TBXT: variants seen among roughly 807,000 people sequenced by gnomAD.
The protein encoded by TBXT is T-box transcription factor T.
In TBXT, 19 loss-of-function variants were observed where a neutral mutation model predicts 41.1. That is an observed-to-expected ratio of 0.46 (90% CI 0.32 to 0.68). The LOEUF is 0.68. Among genes scored for constraint, TBXT ranks in the 30% least tolerant of loss-of-function variants. The pLI is 0.03. For missense variants in TBXT, 536 were observed against 582.0 expected, an observed-to-expected ratio of 0.92 and a Z score of 0.81; for synonymous variants, 213 against 238.9, an observed-to-expected ratio of 0.89 and a Z score of 1.00.
At chr6:166,167,314 A>C in intron 1 of TBXT, 72 bp downstream of exon 1, 1 of 1,574,700 alleles carries the variant, frequency 6.4e-7, no homozygotes, top group Admixed American at 1.7e-5. Flanking sequence ...GACCTCCGGG[A>C]ACTTGCCAGG....
chr6:166,165,468 T>C lies in TBXT; in HGVS notation c.606+238A>G, dbSNP rs371552373. 1.8e-4 allele frequency among the ~76,000 whole-genome samples: 27 copies of C among 152,346 alleles called. No individual in the cohort carries two copies. In the East Asian group the frequency reaches 5.0e-3, roughly 28 times the overall value. On this transcript the variant is annotated intron_variant, in intron 3 of 7. Coordinates refer to ENST00000366876, the MANE Select transcript of TBXT (RefSeq NM_001366285.2). ...TCTTTTCATTTTGAGCATTGAGAAGTTGTTTCTAGTTTTAAACACTTGTAT... is the reference window on the plus strand; with the variant it reads ...TCTTTTCATTTTGAGCATTGAGAAGCTGTTTCTAGTTTTAAACACTTGTAT...
chr6:166,158,448 G>A lies in TBXT; in HGVS notation c.1178C>T (p.Ala393Val), dbSNP rs373982301. The change falls in exon 8 of 8, where the codon GCG (alanine) becomes GTG (valine). Residue 393 changes from alanine (A) to valine (V), a missense_variant. Transcript: ENST00000366876. ...CAGTGGGGATCCCGAGGAAGAGGGC[G>A]CCGAGACCGGATGGGTGAGGGGTGT... The part of the protein sequence containing the change: ...HYTPLTHPVS[A>V]PSSSGSPLYE... The A allele has an allele frequency of 3.1e-5, 50 of 1,613,992 alleles. No homozygotes were observed. Among genetic ancestry groups the A allele is most frequent in the African/African-American group, 4.0e-5 (3 of 74,940 alleles).
Position 166,166,660 on chromosome 6 carries a change from G to C in TBXT, c.403C>G (p.His135Asp). ...IHPDSPNFGA[H>D]WMKAPVSFSK... Reference sequence around the variant, plus strand: ...AAGGAGACGGGAGCCTTCATCCAGTGGGCCCCGAAGTTGGGCGAGTCGGGG... The same window carrying C: ...AAGGAGACGGGAGCCTTCATCCAGTCGGCCCCGAAGTTGGGCGAGTCGGGG... The change falls in exon 2 of 8, where the codon CAC becomes GAC. Residue 135 changes from histidine to aspartate, a missense_variant. By Grantham distance (81) the His-to-Asp change is moderately conservative. Transcript: ENST00000366876. The C allele has an allele frequency of 1.2e-6, 2 of 1,614,068 alleles. No homozygotes were observed. The highest frequency in any genetic ancestry group is 1.7e-6 in the Non-Finnish European group (2 of 1,180,038).
chr6:166,162,005 G>A (rs778670967), intron 6 of TBXT, among the ~76,000 whole-genome samples: 8 of 152,204 alleles, frequency 5.3e-5, no homozygotes, highest in Non-Finnish European at 7.3e-5. Context: ...GCCCACTCTC[G>A]GGTGGTGCTG....
chr6:166,166,161 A>G (rs766356559), intron 2 of TBXT, among the ~76,000 whole-genome samples: 2 of 152,244 alleles, frequency 1.3e-5, no homozygotes, highest in Admixed American at 6.5e-5. Flanking sequence ...CTTGTTTGCA[A>G]CTTGCCTAAC....
Sources: allele counts gnomAD v4.1 joint callset (sites outside exome capture counted in the v4.1 genomes callset), GRCh38; gene constraint gnomAD v4.1.1; transcripts MANE v1.5; gene names NCBI Gene and HGNC (gene_info 2026-07-23, HGNC 2026-07-21).